The following PLAAT1 variants were observed in gnomAD, a reference collection of about 807,000 sequenced individuals.
PLAAT1 encodes the protein phospholipase A and acyltransferase 1, also known as H-REV107 protein-related protein.
Under a neutral mutation model 16.4 loss-of-function variants are expected in PLAAT1, and 13 were observed. The observed-to-expected ratio is 0.79, with a 90% CI of 0.52 to 1.26. PLAAT1 has a LOEUF of 1.26. Ranked by LOEUF, PLAAT1 falls within the 50% of genes most tolerant of loss-of-function variation. The pLI is 0.00. For synonymous variants in PLAAT1, 73 were observed against 78.4 expected (o/e 0.93, Z 0.36); for missense variants, 218 against 207.8 (o/e 1.05, Z -0.30).
intron 1 of PLAAT1, among the ~76,000 whole-genome samples, chr3:193,242,975 C>T (rs916697703): frequency 1.3e-5 from 2 of 152,182 alleles, no homozygotes; most frequent in South Asian, 2.1e-4. Context: ...TGGGTGGCCT[C>T]TTAGGCATGA....
chr3:193,263,658 GCTAA>G (rs1369487606), intron 3 of PLAAT1, among the ~76,000 whole-genome samples: 1 of 152,128 alleles, frequency 6.6e-6, no homozygotes, highest in Non-Finnish European at 1.5e-5. Context: ...GTGGACAGAG[GCTAA>G]CTAATGACAT....
intron 2 of PLAAT1, among the ~76,000 whole-genome samples, chr3:193,277,083 G>A (rs1037336227): frequency 6.6e-6 from 1 of 152,152 alleles, no homozygotes; most frequent in Admixed American, 6.6e-5. Flanking sequence ...ACTGAGAAAT[G>A]TGCCCTGAAT....
chr3:193,246,145 A>G (rs1348372606), intron 1 of PLAAT1, among the ~76,000 whole-genome samples: 1 of 152,164 alleles, frequency 6.6e-6, no homozygotes, highest in Non-Finnish European at 1.5e-5. Context: ...TCTTACAGGA[A>G]AAACTTTCAA....
chr3:193,265,871 G>A lies in PLAAT1; in HGVS notation c.405+2636G>A, dbSNP rs1716761441. ...GCGTTGAAAATTAGTGGTGTAGATA[G>A]GAAATAGGTTCCATTCCTCTTCTTC... On this transcript the variant is annotated intron_variant, in intron 3 of 3. Coordinates refer to ENST00000264735, the MANE Select transcript of PLAAT1 (RefSeq NM_020386.5). Among the ~76,000 whole-genome samples the A allele has an allele frequency of 2.0e-5, 3 of 151,574 alleles. No individual in the cohort carries two copies. In the South Asian group the frequency reaches 6.3e-4, roughly 32 times the overall value.
At chr3:193,265,662 A>G (rs1375224939) in intron 3 of PLAAT1, among the ~76,000 whole-genome samples, 3 of 152,190 alleles carry the variant, frequency 2.0e-5, no homozygotes, top group African/African-American at 7.2e-5. Context: ...TTTTTAAATA[A>G]AAAGGTTTGG....
chr3:193,248,422 T>C (rs1405851656), intron 1 of PLAAT1, among the ~76,000 whole-genome samples: 1 of 152,134 alleles, frequency 6.6e-6, no homozygotes, highest in African/African-American at 2.4e-5. Context: ...AAAGTAATTA[T>C]TGGTAGGTAA....
intron 1 of PLAAT1, among the ~76,000 whole-genome samples, chr3:193,248,103 A>C (rs375516954): frequency 1.3e-4 from 20 of 152,280 alleles, no homozygotes; most frequent in African/African-American, 4.8e-4. Context: ...TATTGGGTGC[A>C]TATATAATTG....
Position 193,241,307 on chromosome 3 carries a change from G to A in PLAAT1, c.-227G>A. 8.1e-7 allele frequency: 1 copy of A among 1,231,098 alleles called. No homozygotes were observed. The highest frequency in any genetic ancestry group is 1.0e-6 in the Non-Finnish European group (1 of 987,554). 76.3% of individuals were successfully genotyped at this position (1,231,098 alleles called of 1,614,324 possible). A position where few individuals can be genotyped will look rare whatever the true frequency, so the allele number is the denominator to read the frequency against. Reference sequence around the variant, plus strand: ...GGCGTGCGGGCGTCTCAGAGCCGCGGAGGGGCCGCCGGGACCGTTTCAGCG... The same window carrying A: ...GGCGTGCGGGCGTCTCAGAGCCGCGAAGGGGCCGCCGGGACCGTTTCAGCG... On this transcript the variant is annotated 5_prime_UTR_variant, in exon 1 of 4. Coordinates refer to ENST00000264735, the MANE Select transcript of PLAAT1 (RefSeq NM_020386.5).
At chr3:193,261,588 C>A (rs1489323742) in intron 2 of PLAAT1, among the ~76,000 whole-genome samples, 1 of 152,076 alleles carries the variant, frequency 6.6e-6, no homozygotes, top group East Asian at 1.9e-4. Flanking sequence ...TTCAGAGCTT[C>A]CAGAGTCTAG....
chr3:193,246,457 A>G (rs928869710), intron 1 of PLAAT1, among the ~76,000 whole-genome samples: 5 of 152,210 alleles, frequency 3.3e-5, no homozygotes, highest in Admixed American at 1.3e-4. Context: ...CTCCACCCGC[A>G]TCGAGCTCAA....
At position 193,263,279 on chromosome 3, in the gene PLAAT1, A is replaced by C. The variant is rs776957509; in HGVS notation, c.405+44A>C. 3.8e-6 allele frequency: 6 copies of C among 1,571,364 alleles called. No individual in the cohort carries two copies. In the South Asian group the frequency reaches 6.9e-5, roughly 18 times the overall value. On this transcript the variant is annotated intron_variant, in intron 3 of 3. Coordinates refer to ENST00000264735, the MANE Select transcript of PLAAT1 (RefSeq NM_020386.5). ...ATATTCTTACATTGAGAAAAGAATA[A>C]CTATTGGCTATGATAAGGTTCCCAG...
Position 193,266,860 on chromosome 3 carries a change from A to G in PLAAT1, c.405+3625A>G, listed in dbSNP as rs560938315. On this transcript the variant is annotated intron_variant, in intron 3 of 3. Transcript: ENST00000264735. ...AACTAATAGTATTACTACTAATAAT[A>G]GCTAATATTAGATTAGTTTTTTGAA... 4.6e-5 allele frequency among the ~76,000 whole-genome samples: 7 copies of G among 152,270 alleles called. No individual in the cohort carries two copies. In the South Asian group the frequency reaches 1.2e-3, roughly 27 times the overall value.
chr3:193,245,094 A>T (rs1715929389), intron 1 of PLAAT1, among the ~76,000 whole-genome samples: 1 of 152,234 alleles, frequency 6.6e-6, no homozygotes, highest in South Asian at 2.1e-4. Context: ...AATATGCAGT[A>T]CATTATTATG....
Position 193,270,625 on chromosome 3 carries a change from G to C in PLAAT1, c.427G>C (p.Val143Leu), listed in dbSNP as rs147242865. ...ATAGGCCAACCGAGCGATAAGTACC[G>C]TTGAGTTTGTGACAGCTGCTGTTGG... ...SEQANRAIST[V>L]EFVTAAVGVF... The change falls in exon 4 of 4, where the codon GTT becomes CTT. Residue 143 changes from valine to leucine, a missense_variant. Val to Leu is a conservative substitution (Grantham distance 32, BLOSUM62 1). Transcript: ENST00000264735. 6.2e-7 allele frequency: 1 copy of C among 1,613,436 alleles called. No individual in the cohort carries two copies. Among genetic ancestry groups the C allele is most frequent in the Admixed American group, 1.7e-5 (1 of 59,998 alleles).
rs144492144 is a variant in PLAAT1, at chr3:193,270,663, C to T, written c.465C>T (p.Phe155=). 6.2e-7 allele frequency: 1 copy of T among 1,613,422 alleles called. No individual in the cohort carries two copies. The highest frequency in any genetic ancestry group is 2.2e-5 in the East Asian group (1 of 44,876). ...FVTAAVGVFS[F]LGLFPKGQRA... ...CAGCTGCTGTTGGTGTCTTCTCATT[C>T]CTGGGCTTGTTTCCAAAAGGACAAA... Residue 155 remains phenylalanine, a synonymous_variant, in exon 4 of 4, where the codon TTC becomes TTT. Coordinates refer to ENST00000264735, the MANE Select transcript of PLAAT1 (RefSeq NM_020386.5).
rs1299094080 is a variant in PLAAT1, at chr3:193,254,342, C to T, written c.1-1309C>T. Among the ~76,000 whole-genome samples the T allele has an allele frequency of 3.3e-5, 5 of 152,096 alleles. No homozygotes were observed. In the East Asian group the frequency reaches 9.6e-4, roughly 29 times the overall value. ...TGTATTCCCAAGTCCTTAGTCTCTGCTATTATAATTTAGATGATTTGGAAG... is the reference window on the plus strand; with the variant it reads ...TGTATTCCCAAGTCCTTAGTCTCTGTTATTATAATTTAGATGATTTGGAAG... On this transcript the variant is annotated intron_variant, in intron 1 of 3. Coordinates refer to ENST00000264735, the MANE Select transcript of PLAAT1 (RefSeq NM_020386.5).
chr3:193,273,969 T>TG (rs1169351238), downstream of PLAAT1, among the ~76,000 whole-genome samples: 1 of 152,110 alleles, frequency 6.6e-6, no homozygotes, highest in South Asian at 2.1e-4. Context: ...TGAGGCTGGG[T>TG]GCAGTGGCTC....
In PLAAT1 at chr3:193,270,596, C is replaced by A; in HGVS notation, c.406-8C>A. 2 of 1,609,304 alleles carry A rather than the reference C, an allele frequency of 1.2e-6. No individual in the cohort carries two copies. The highest frequency in any genetic ancestry group is 1.1e-5 in the South Asian group (1 of 90,338). ...TGTGTTTTTTGTTTACTTCTTGTTT[C>A]CTTATAGGCCAACCGAGCGATAAGT... On this transcript the variant is annotated splice_region_variant and splice_polypyrimidine_tract_variant and intron_variant, in intron 3 of 3. Transcript: ENST00000264735.
downstream of PLAAT1, chr3:193,275,206 C>T: frequency 6.2e-7 from 1 of 1,614,192 alleles, no homozygotes; most frequent in Non-Finnish European, 8.5e-7. Context: ...GAGTCTTCTG[C>T]TAGCTTCTTT....
Sources: allele counts gnomAD v4.1 joint callset (sites outside exome capture counted in the v4.1 genomes callset), GRCh38; gene constraint gnomAD v4.1.1; transcripts MANE v1.5; gene names NCBI Gene and HGNC (gene_info 2026-07-23, HGNC 2026-07-21).